TTC28: variants seen among roughly 807,000 people sequenced by gnomAD.
TTC28 encodes the protein tetratricopeptide repeat protein 28.
In TTC28, 61 loss-of-function variants were observed where a neutral mutation model predicts 198.0. The observed-to-expected ratio is 0.31, with a 90% CI of 0.25 to 0.38. The LOEUF is 0.38. Among genes scored for constraint, TTC28 ranks in the 10% least tolerant of loss-of-function variants. The pLI is 1.00. For synonymous variants in TTC28, 1,171 were observed against 1,297.8 expected, an observed-to-expected ratio of 0.90 and a Z score of 2.10; for missense variants, 2,678 against 3,164.0, an observed-to-expected ratio of 0.85 and a Z score of 3.69.
intron 2 of TTC28, among the ~76,000 whole-genome samples, chr22:28,605,449 T>C (rs1569054742): frequency 6.6e-6 from 1 of 152,168 alleles, no homozygotes; most frequent in Non-Finnish European, 1.5e-5. Context: ...TTTTCTTGAA[T>C]AACAAAGAAA....
chr22:28,364,521 G>A (rs977475573), intron 2 of TTC28, among the ~76,000 whole-genome samples: 1 of 152,132 alleles, frequency 6.6e-6, no homozygotes, highest in African/African-American at 2.4e-5. Context: ...TGAAGGCTAT[G>A]GACAAAGTCA....
chr22:28,172,348 A>G (rs1922763867), intron 5 of TTC28, among the ~76,000 whole-genome samples: 1 of 152,336 alleles, frequency 6.6e-6, no homozygotes, highest in Non-Finnish European at 1.5e-5. Flanking sequence ...TATGTAAACC[A>G]TAAATAATTC....
At position 28,549,090 on chromosome 22, in the gene TTC28, C is replaced by T. The variant is rs895949764; in HGVS notation, c.381+80462G>A. Among the ~76,000 whole-genome samples the T allele has an allele frequency of 7.2e-5, 11 of 152,040 alleles. No homozygotes were observed. In the South Asian group the frequency reaches 1.5e-3, roughly 20 times the overall value. On this transcript the variant is annotated intron_variant, in intron 2 of 22. Coordinates refer to ENST00000397906, the MANE Select transcript of TTC28 (RefSeq NM_001145418.2). ...TCACCCAGGCTGGAGTGCAGTGGCA[C>T]GATCTCAGCTCACTGCAGCCTCTGC...
chr22:28,262,351 T>C (rs1237530132), intron 5 of TTC28, among the ~76,000 whole-genome samples: 2 of 152,192 alleles, frequency 1.3e-5, no homozygotes, highest in Non-Finnish European at 2.9e-5. Flanking sequence ...ACTGACTTTA[T>C]AAATTAGGCT....
At chr22:28,194,176 A>G (rs1925163356) in intron 5 of TTC28, among the ~76,000 whole-genome samples, 1 of 152,234 alleles carries the variant, frequency 6.6e-6, no homozygotes, top group Non-Finnish European at 1.5e-5. Context: ...GTACTCCTCA[A>G]TGACTACTGG....
At chr22:28,418,665 G>A (rs2047201968) in intron 2 of TTC28, among the ~76,000 whole-genome samples, 1 of 152,088 alleles carries the variant, frequency 6.6e-6, no homozygotes, top group African/African-American at 2.4e-5. Context: ...TTATTGTGTA[G>A]TACTCTCCAA....
intron 1 of TTC28, among the ~76,000 whole-genome samples, chr22:28,648,599 C>T (rs1329134483): frequency 6.6e-6 from 1 of 152,148 alleles, no homozygotes; most frequent in Non-Finnish European, 1.5e-5. Flanking sequence ...ACCTAAATGC[C>T]CACTGATGAG....
chr22:28,144,895 T>G (rs1943428767), intron 6 of TTC28, among the ~76,000 whole-genome samples: 1 of 152,192 alleles, frequency 6.6e-6, no homozygotes, highest in Non-Finnish European at 1.5e-5. Context: ...GGTTTGTATT[T>G]GAAAAAGCTT....
At chr22:28,627,022 T>C (rs1786268581) in intron 2 of TTC28, among the ~76,000 whole-genome samples, 1 of 151,898 alleles carries the variant, frequency 6.6e-6, no homozygotes, top group Admixed American at 6.6e-5. Flanking sequence ...AAAACACAAG[T>C]GGATCAAAAA....
chr22:28,344,648 T>C (rs2045879875), intron 2 of TTC28, among the ~76,000 whole-genome samples: 1 of 152,172 alleles, frequency 6.6e-6, no homozygotes, highest in Admixed American at 6.5e-5. Context: ...TCTATAATCT[T>C]CATGCAATAA....
intron 2 of TTC28, among the ~76,000 whole-genome samples, chr22:28,434,328 T>TAA (rs892267764): frequency 6.6e-6 from 1 of 152,198 alleles, no homozygotes; most frequent in African/African-American, 2.4e-5. Flanking sequence ...AAATCATGCT[T>TAA]AGTACCTTCT....
At chr22:28,406,023 A>G (rs2046993068) in intron 2 of TTC28, among the ~76,000 whole-genome samples, 1 of 152,168 alleles carries the variant, frequency 6.6e-6, no homozygotes, top group South Asian at 2.1e-4. Flanking sequence ...AACACCACCA[A>G]TTCCCCCTTG....
chr22:28,489,452 C>T (rs2048348882), intron 2 of TTC28, among the ~76,000 whole-genome samples: 1 of 152,076 alleles, frequency 6.6e-6, no homozygotes, highest in Non-Finnish European at 1.5e-5. Context: ...GAATTGCATC[C>T]TTTATAAACT....
At chr22:28,485,544 T>C (rs1253852754) in intron 2 of TTC28, among the ~76,000 whole-genome samples, 1 of 152,146 alleles carries the variant, frequency 6.6e-6, no homozygotes, top group Non-Finnish European at 1.5e-5. Flanking sequence ...ATTAAAAAAA[T>C]TTTACACAGC....
intron 6 of TTC28, among the ~76,000 whole-genome samples, chr22:28,108,940 A>C (rs1319483398): frequency 6.6e-6 from 1 of 152,222 alleles, no homozygotes; most frequent in Non-Finnish European, 1.5e-5. Context: ...AAACAAAAAA[A>C]TTAACCACAA....
intron 5 of TTC28, among the ~76,000 whole-genome samples, chr22:28,211,931 A>G (rs1001431712): frequency 2.0e-5 from 3 of 151,998 alleles, no homozygotes; most frequent in Admixed American, 6.6e-5. Context: ...ACAAACTCTC[A>G]GACCACAGTG....
intron 2 of TTC28, among the ~76,000 whole-genome samples, chr22:28,607,053 CCTT>C (rs1324706881): frequency 6.6e-6 from 1 of 152,144 alleles, no homozygotes; most frequent in Non-Finnish European, 1.5e-5. Flanking sequence ...AAAGGAATAT[CCTT>C]CTCTGTGAAG....
chr22:28,047,541 C>A (rs191476585), intron 12 of TTC28, among the ~76,000 whole-genome samples: 4 of 152,166 alleles, frequency 2.6e-5, no homozygotes, highest in African/African-American at 9.7e-5. Context: ...CCCTCTAAAG[C>A]GCCCACAAAA....
At chr22:28,186,011 T>C (rs1039156597) in intron 5 of TTC28, among the ~76,000 whole-genome samples, 1 of 152,206 alleles carries the variant, frequency 6.6e-6, no homozygotes, top group Non-Finnish European at 1.5e-5. Flanking sequence ...AAGGACTCTA[T>C]TAGCTCTATT....
Sources: gnomAD v4.1 joint callset for allele counts (sites outside exome capture counted in the v4.1 genomes callset) on GRCh38, gnomAD v4.1.1 for gene constraint, MANE v1.5 for transcripts, NCBI Gene and HGNC (gene_info 2026-07-23, HGNC 2026-07-21) for gene names.